The following SLC30A9 variants were observed in gnomAD, a reference collection of about 807,000 sequenced individuals.
SLC30A9 encodes solute carrier family 30 member 9.
A neutral mutation model predicts 87.5 loss-of-function variants in SLC30A9; 58 were observed. That is an observed-to-expected ratio of 0.66 (90% CI 0.54 to 0.82). The LOEUF (loss-of-function observed/expected upper bound fraction) is 0.82. Ranked by LOEUF, SLC30A9 falls within the 40% of genes least tolerant of loss-of-function variation. The pLI is 0.00. For synonymous variants in SLC30A9, 234 were observed against 233.0 expected, an observed-to-expected ratio of 1.00 and a Z score of -0.04; for missense variants, 557 against 679.1, an observed-to-expected ratio of 0.82 and a Z score of 2.00.
At chr4:42,004,651 T>C (rs1207452874) in intron 2 of SLC30A9, among the ~76,000 whole-genome samples, 1 of 91,258 alleles carries the variant, frequency 1.1e-5, no homozygotes, top group Non-Finnish European at 2.3e-5. Flanking sequence ...ATTTTCCTTT[T>C]TTTTTTCTTT....
At position 42,086,766 on chromosome 4, in the gene SLC30A9, G is replaced by C. The variant is rs1198246632; in HGVS notation, c.*640G>C. ...GAAGACATCTCAGTACACTCTTTTA[G>C]GTCATAGTAGTTGCCATTTTGTAAA... is the stretch of plus-strand genomic sequence containing the variant. On this transcript the variant is annotated 3_prime_UTR_variant, in exon 18 of 18. Coordinates refer to ENST00000264451, the MANE Select transcript of SLC30A9 (RefSeq NM_006345.4). 2 of 152,508 alleles carry C rather than the reference G, an allele frequency of 1.3e-5. No individual in the cohort carries two copies. Among genetic ancestry groups the C allele is most frequent in the African/African-American group, 4.8e-5 (2 of 41,386 alleles). 9.4% of individuals were successfully genotyped at this position (152,508 alleles called of 1,614,324 possible). A position where few individuals can be genotyped will look rare whatever the true frequency, so the allele number is the denominator to read the frequency against.
rs549367938 is a variant in SLC30A9 at position 42,087,849 on chromosome 4, A to G, written c.*1723A>G. The stretch of plus-strand genomic sequence containing the variant: ...ATTTATTACTTCATGTCATTGCCAT[A>G]TGAGAAAGTACCAAATTATATCCAG... On this transcript the variant is annotated 3_prime_UTR_variant, in exon 18 of 18. Transcript: ENST00000264451. The G allele has an allele frequency of 1.3e-5, 2 of 151,668 alleles. No homozygotes were observed. Among genetic ancestry groups the G allele is most frequent in the Admixed American group, 1.3e-4 (2 of 15,220 alleles). The allele number at this position is 151,668 out of a possible 1,614,324, so 9.4% of individuals were successfully genotyped here.
chr4:42,055,494 C>T lies in SLC30A9; in HGVS notation c.841-4697C>T, dbSNP rs192443244. Among the ~76,000 whole-genome samples, 106 of 152,306 alleles carry T rather than the reference C, an allele frequency of 7.0e-4. 1 individual carries two copies. In the East Asian group the frequency reaches 0.02, roughly 29 times the overall value. ...CTCCATCTCCCAGGTTCACGCCATT[C>T]TCCTGCCTCAGCTTCCCGAATAGCT... On this transcript the variant is annotated intron_variant, in intron 9 of 17. Transcript: ENST00000264451.
intron 8 of SLC30A9, among the ~76,000 whole-genome samples, chr4:42,042,750 T>C (rs1055327244): frequency 3.3e-5 from 5 of 152,184 alleles, no homozygotes; most frequent in African/African-American, 9.6e-5. Context: ...CCTCCTCAAG[T>C]GGGTCCTTGA....
chr4:42,049,840 T>C (rs983051440), intron 9 of SLC30A9, among the ~76,000 whole-genome samples: 3 of 152,176 alleles, frequency 2.0e-5, no homozygotes, highest in East Asian at 1.9e-4. Flanking sequence ...AGATTCATAA[T>C]TTGAATTACT....
At chr4:41,999,922 A>G (rs896048403) in intron 1 of SLC30A9, among the ~76,000 whole-genome samples, 1 of 152,160 alleles carries the variant, frequency 6.6e-6, no homozygotes, top group Non-Finnish European at 1.5e-5. Context: ...TGAAATATTT[A>G]TGGATGAAAT....
chr4:42,012,364 C>G (rs1214050042), intron 2 of SLC30A9, among the ~76,000 whole-genome samples: 1 of 152,090 alleles, frequency 6.6e-6, no homozygotes, highest in Non-Finnish European at 1.5e-5. Flanking sequence ...AAATGCTACT[C>G]TGGAATTTCA....
intron 2 of SLC30A9, among the ~76,000 whole-genome samples, chr4:42,004,026 A>G (rs1201789460): frequency 6.6e-6 from 1 of 152,186 alleles, no homozygotes; most frequent in Admixed American, 6.5e-5. Context: ...TTTATTCAGA[A>G]TCTTTGTTAG....
intron 17 of SLC30A9, among the ~76,000 whole-genome samples, chr4:42,085,755 T>C (rs1718901871): frequency 6.6e-6 from 1 of 152,072 alleles, no homozygotes; most frequent in Non-Finnish European, 1.5e-5. Flanking sequence ...TTGATTATTA[T>C]TGTTTTGCAG....
chr4:42,014,827 C>T (rs1339575723), intron 2 of SLC30A9, among the ~76,000 whole-genome samples: 1 of 152,144 alleles, frequency 6.6e-6, no homozygotes, highest in African/African-American at 2.4e-5. Flanking sequence ...AGCACGTTCT[C>T]ACTTATTTAT....
In SLC30A9 at chr4:42,073,373, G is replaced by C. The variant is rs145267464; in HGVS notation, c.1419-2284G>C. The stretch of plus-strand genomic sequence containing the variant: ...AGACTGGCAAATTCGAAATTTTGTG[G>C]AAGAGTGAATATCTGTGGATTCAAT... On this transcript the variant is annotated intron_variant, in intron 15 of 17. Transcript: ENST00000264451. Among the ~76,000 whole-genome samples the C allele has an allele frequency of 1.9e-3, 292 of 152,314 alleles. 1 individual carries two copies. Among genetic ancestry groups the C allele is most frequent in the African/African-American group, 6.8e-3 (282 of 41,568 alleles).
chr4:42,067,215 G>T (rs1560558016), intron 14 of SLC30A9, 23 bp downstream of exon 14: 1 of 1,364,736 alleles, frequency 7.3e-7, no homozygotes, highest in Admixed American at 1.7e-5. Flanking sequence ...TAAATTACAG[G>T]TGATTTATTT....
chr4:42,016,836 C>T (rs1396975717), intron 2 of SLC30A9, among the ~76,000 whole-genome samples: 1 of 151,712 alleles, frequency 6.6e-6, no homozygotes, highest in Admixed American at 6.6e-5. Flanking sequence ...TATCTGTTCT[C>T]TTGCTAATGG....
chr4:42,079,220 T>C (rs1405045596), intron 17 of SLC30A9, among the ~76,000 whole-genome samples: 1 of 152,098 alleles, frequency 6.6e-6, no homozygotes, highest in Non-Finnish European at 1.5e-5. Flanking sequence ...ATTTACCAAA[T>C]CATGCATGAA....
At chr4:42,064,921 T>C (rs1056886969) in intron 11 of SLC30A9, among the ~76,000 whole-genome samples, 9 of 152,152 alleles carry the variant, frequency 5.9e-5, no homozygotes, top group African/African-American at 1.9e-4. Context: ...GATACACCCC[T>C]GTCTAAAGCT....
intron 10 of SLC30A9, 122 bp from the exon 11 acceptor site, chr4:42,062,864 A>G: frequency 2.4e-6 from 2 of 823,010 alleles, no homozygotes; most frequent in Non-Finnish European, 3.6e-6. Context: ...TTAACATCTT[A>G]CTTAAATATA....
Position 42,063,112 on chromosome 4 carries a change from C to T in SLC30A9, c.1023C>T (p.Ser341=). 1 of 1,613,332 alleles carries T rather than the reference C, an allele frequency of 6.2e-7. No homozygotes were observed. Among genetic ancestry groups the T allele is most frequent in the South Asian group, 1.1e-5 (1 of 90,992 alleles). The change falls in exon 11 of 18, where the codon TCC becomes TCT. Residue 341 remains serine, a synonymous_variant. Coordinates refer to ENST00000264451, the MANE Select transcript of SLC30A9 (RefSeq NM_006345.4). ...MGLLHPQPIE[S]LLWAYCILAG... is the part of the protein sequence containing the mutation. ...TGCTTCATCCTCAACCAATAGAATC[C>T]CTTCTATGGGTAATCCTCTTTTTTT...
At chr4:42,081,559 A>G (rs1462621344) in intron 17 of SLC30A9, among the ~76,000 whole-genome samples, 6 of 152,252 alleles carry the variant, frequency 3.9e-5, no homozygotes, top group Non-Finnish European at 8.8e-5. Flanking sequence ...CAAACAACTA[A>G]TCTGTATAAA....
chr4:42,064,953 A>G (rs1347644303), intron 11 of SLC30A9, among the ~76,000 whole-genome samples: 1 of 152,072 alleles, frequency 6.6e-6, no homozygotes, highest in African/African-American at 2.4e-5. Flanking sequence ...CTTTAATTGA[A>G]GAGTGTCCTG....
Sources: gnomAD v4.1 joint callset for allele counts (sites outside exome capture counted in the v4.1 genomes callset) on GRCh38, gnomAD v4.1.1 for gene constraint, MANE v1.5 for transcripts, NCBI Gene and HGNC (gene_info 2026-07-23, HGNC 2026-07-21) for gene names.